The following RALYL variants were observed in gnomAD, a reference collection of about 807,000 sequenced individuals.
RALYL encodes RNA-binding Raly-like protein.
A neutral mutation model predicts 35.1 loss-of-function variants in RALYL; 29 were observed. The ratio of observed to expected loss-of-function variants is 0.83; its 90% CI spans 0.61 to 1.13. The LOEUF is 1.13. RALYL is among the 50% of genes most tolerant of loss of function. The pLI is 0.00. For synonymous variants in RALYL, 120 were observed against 127.6 expected (o/e 0.94, Z 0.40); for missense variants, 359 against 360.4 (o/e 1.00, Z 0.03).
At chr8:84,777,313 AT>A (rs573754453) in intron 3 of RALYL, among the ~76,000 whole-genome samples, 1 of 152,164 alleles carries the variant, frequency 6.6e-6, no homozygotes, top group Non-Finnish European at 1.5e-5. Context: ...GAAAGTAGAG[AT>A]TTTCTGAGCA....
chr8:84,897,249 A>T (rs1369849622), intron 8 of RALYL, among the ~76,000 whole-genome samples: 1 of 152,186 alleles, frequency 6.6e-6, no homozygotes, highest in Non-Finnish European at 1.5e-5. Flanking sequence ...TGCTATTGTT[A>T]TGATCATCTC....
chr8:84,733,242 C>T (rs922354352), intron 2 of RALYL, among the ~76,000 whole-genome samples: 12 of 152,092 alleles, frequency 7.9e-5, no homozygotes, highest in Admixed American at 7.2e-4. Context: ...ATAGGCCCTT[C>T]GTTATACTCA....
chr8:84,607,067 G>A (rs145172511), intron 2 of RALYL, among the ~76,000 whole-genome samples: 139 of 152,010 alleles, frequency 9.1e-4, no homozygotes, highest in African/African-American at 3.1e-3. Context: ...CATTTTAATT[G>A]TTTTATAATG....
chr8:84,879,742 T>C (rs532283671), intron 7 of RALYL, among the ~76,000 whole-genome samples: 1 of 152,136 alleles, frequency 6.6e-6, no homozygotes, highest in East Asian at 1.9e-4. Context: ...AAATTAAATA[T>C]TTTAAAGAAG....
intron 2 of RALYL, among the ~76,000 whole-genome samples, chr8:84,743,631 C>A (rs1807896748): frequency 7.2e-5 from 11 of 151,960 alleles, no homozygotes; most frequent in Admixed American, 7.2e-4. Flanking sequence ...CTTTTTGAGA[C>A]AACCAAGACA....
At chr8:84,705,331 G>C (rs548817027) in intron 2 of RALYL, among the ~76,000 whole-genome samples, 3 of 152,076 alleles carry the variant, frequency 2.0e-5, no homozygotes, top group Non-Finnish European at 4.4e-5. Flanking sequence ...CTTCTGGAGA[G>C]GCTTCTTGCA....
intron 2 of RALYL, among the ~76,000 whole-genome samples, chr8:84,702,251 T>C (rs938483536): frequency 1.3e-5 from 2 of 152,090 alleles, no homozygotes; most frequent in African/African-American, 4.8e-5. Context: ...TTCAGTACAT[T>C]ACTAGTGACA....
intron 1 of RALYL, among the ~76,000 whole-genome samples, chr8:84,473,865 G>T (rs925874112): frequency 1.3e-5 from 2 of 151,660 alleles, no homozygotes; most frequent in Non-Finnish European, 3.0e-5. Context: ...TATATATTTT[G>T]GTTATTAGTA....
At chr8:84,810,831 T>C (rs887592272) in intron 4 of RALYL, among the ~76,000 whole-genome samples, 6 of 152,228 alleles carry the variant, frequency 3.9e-5, no homozygotes, top group Non-Finnish European at 8.8e-5. Flanking sequence ...TTGGTGTCCA[T>C]TTGCATAAAA....
At chr8:84,603,928 T>G (rs75674967) in intron 2 of RALYL, among the ~76,000 whole-genome samples, 1,795 of 151,878 alleles carry the variant, frequency 0.012, 48 homozygotes, top group African/African-American at 0.04. Flanking sequence ...ATCAGGTTTT[T>G]TTTGTTTGTT....
chr8:84,688,782 G>T (rs1315380819), intron 2 of RALYL, among the ~76,000 whole-genome samples: 1 of 152,080 alleles, frequency 6.6e-6, no homozygotes, highest in Non-Finnish European at 1.5e-5. Context: ...ATGGAGTGAA[G>T]AGTCAACCTA....
chr8:84,537,820 A>G (rs948971806), intron 2 of RALYL, among the ~76,000 whole-genome samples: 1 of 152,224 alleles, frequency 6.6e-6, no homozygotes, highest in East Asian at 1.9e-4. Context: ...ATGTACTTAA[A>G]GAGAGCAGGT....
At chr8:84,494,875 T>C (rs1424027981) in intron 1 of RALYL, among the ~76,000 whole-genome samples, 6 of 152,118 alleles carry the variant, frequency 3.9e-5, no homozygotes, top group Non-Finnish European at 8.8e-5. Flanking sequence ...TCTCCCTATT[T>C]GAATACACTT....
intron 2 of RALYL, among the ~76,000 whole-genome samples, chr8:84,622,215 G>A (rs1244485600): frequency 6.6e-6 from 1 of 152,088 alleles, no homozygotes. Context: ...AAAGAAAAAG[G>A]GGTCATACGT....
intron 1 of RALYL, among the ~76,000 whole-genome samples, chr8:84,297,641 G>T (rs569737119): frequency 6.6e-6 from 1 of 152,188 alleles, no homozygotes; most frequent in South Asian, 2.1e-4. Flanking sequence ...TTTCTACAGT[G>T]GTTGAATTAA....
chr8:84,336,603 GT>G (rs1847849198), intron 1 of RALYL, among the ~76,000 whole-genome samples: 2 of 152,086 alleles, frequency 1.3e-5, no homozygotes, highest in African/African-American at 4.8e-5. Context: ...CTTTATAGTG[GT>G]TGGGGAATCA....
chr8:84,566,147 A>G (rs963776853), intron 2 of RALYL, among the ~76,000 whole-genome samples: 2 of 151,516 alleles, frequency 1.3e-5, no homozygotes, highest in Non-Finnish European at 3.0e-5. Flanking sequence ...AGAAAGAATG[A>G]TGATCTTGAA....
At chr8:84,805,709 T>C (rs1414297642) in intron 4 of RALYL, among the ~76,000 whole-genome samples, 2 of 152,110 alleles carry the variant, frequency 1.3e-5, no homozygotes, top group African/African-American at 4.8e-5. Context: ...AGTAATAAAA[T>C]AATAACAATA....
intron 7 of RALYL, among the ~76,000 whole-genome samples, chr8:84,878,556 A>G (rs555653949): frequency 1.1e-4 from 17 of 152,210 alleles, no homozygotes; most frequent in African/African-American, 4.1e-4. Context: ...GCCAAAAAAA[A>G]AAGAAGTCAG....
Sources: gnomAD v4.1 joint callset for allele counts (sites outside exome capture counted in the v4.1 genomes callset) on GRCh38, gnomAD v4.1.1 for gene constraint, MANE v1.5 for transcripts, NCBI Gene and HGNC (gene_info 2026-07-23, HGNC 2026-07-21) for gene names.